Variants in LIMCH1 observed in about 807,000 individuals in gnomAD.
The protein encoded by LIMCH1 is LIM and calponin homology domains-containing protein 1.
A neutral mutation model predicts 176.5 loss-of-function variants in LIMCH1; 113 were observed. That is an observed-to-expected ratio of 0.64 (90% CI 0.55 to 0.75). The LOEUF (loss-of-function observed/expected upper bound fraction) is 0.75, where lower values mean the gene tolerates loss of function less well. LIMCH1 is among the 30% of genes least tolerant of loss of function. The probability of loss-of-function intolerance (pLI) is 0.00; values close to 1 mark genes in which losing one functional copy is unlikely to be tolerated. For synonymous variants in LIMCH1, 619 were observed against 645.9 expected, an observed-to-expected ratio of 0.96 and a Z score of 0.63; for missense variants, 1,674 against 1,814.9, an observed-to-expected ratio of 0.92 and a Z score of 1.41.
intron 3 of LIMCH1, among the ~76,000 whole-genome samples, chr4:41,524,675 G>A (rs913714441): frequency 6.6e-6 from 1 of 152,184 alleles, no homozygotes; most frequent in African/African-American, 2.4e-5. Context: ...ATCTTTGTTT[G>A]TGTTTTTTCC....
At chr4:41,487,505 G>A (rs1203113147) in intron 1 of LIMCH1, among the ~76,000 whole-genome samples, 1 of 151,998 alleles carries the variant, frequency 6.6e-6, no homozygotes, top group Non-Finnish European at 1.5e-5. Context: ...CTACATCTTG[G>A]GGGACTTTTG....
chr4:41,679,620 C>G (rs1365790546), intron 23 of LIMCH1, among the ~76,000 whole-genome samples: 1 of 152,140 alleles, frequency 6.6e-6, no homozygotes, highest in Non-Finnish European at 1.5e-5. Flanking sequence ...TTTTATTACA[C>G]TCTCCTCGCA....
intron 2 of LIMCH1, among the ~76,000 whole-genome samples, chr4:41,601,544 T>A (rs1460313264): frequency 1.3e-5 from 2 of 152,096 alleles, no homozygotes; most frequent in Non-Finnish European, 2.9e-5. Context: ...ACTGGTGTGG[T>A]TGAAGGATAA....
At chr4:41,391,135 C>T (rs1487438419) in intron 1 of LIMCH1, among the ~76,000 whole-genome samples, 1 of 152,200 alleles carries the variant, frequency 6.6e-6, no homozygotes, top group Non-Finnish European at 1.5e-5. Context: ...GTTTGGATCA[C>T]TGCCAAGGAT....
intron 1 of LIMCH1, among the ~76,000 whole-genome samples, chr4:41,480,761 TTC>T (rs766292068): frequency 1.3e-5 from 2 of 152,220 alleles, no homozygotes; most frequent in Non-Finnish European, 2.9e-5. Flanking sequence ...AGACTCTTCC[TTC>T]TCTCTGCTCT....
intron 1 of LIMCH1, among the ~76,000 whole-genome samples, chr4:41,491,517 G>A (rs950016972): frequency 2.0e-5 from 3 of 150,320 alleles, no homozygotes; most frequent in African/African-American, 4.9e-5. Context: ...AGGCAGAGGG[G>A]CTCCTCACAT....
rs748771746 is a variant in LIMCH1, at chr4:41,646,146, TAGA to T, written c.2283_2285del (p.Arg761del). The T allele has an allele frequency of 1.9e-6, 3 of 1,612,852 alleles. No homozygotes were observed. Among genetic ancestry groups the T allele is most frequent in the African/African-American group, 1.3e-5 (1 of 74,932 alleles). On this transcript the variant is annotated inframe_deletion, in exon 16 of 32. Coordinates refer to ENST00000503057, the MANE Select transcript of LIMCH1 (RefSeq NM_001330672.2). ...AGGACCTGGCTCGTTGGAAGAGTCG[TAGA>T]AGAAGTGTTTCTCAGGACTTAATCA...
intron 1 of LIMCH1, among the ~76,000 whole-genome samples, chr4:41,447,331 T>C (rs1332935843): frequency 3.3e-5 from 5 of 152,202 alleles, no homozygotes; most frequent in Non-Finnish European, 5.9e-5. Context: ...ACAAGGACTT[T>C]TGGTAAGTTG....
At chr4:41,601,366 C>T (rs938861654) in intron 2 of LIMCH1, among the ~76,000 whole-genome samples, 5 of 152,158 alleles carry the variant, frequency 3.3e-5, no homozygotes, top group African/African-American at 1.2e-4. Context: ...AGGGTGGCTT[C>T]TCTGAAGTGC....
chr4:41,404,947 A>G (rs1352495272), intron 1 of LIMCH1, among the ~76,000 whole-genome samples: 1 of 152,056 alleles, frequency 6.6e-6, no homozygotes, highest in African/African-American at 2.4e-5. Context: ...GTGAGTGCTG[A>G]TATATTTTAT....
intron 1 of LIMCH1, among the ~76,000 whole-genome samples, chr4:41,474,504 A>G (rs1226061264): frequency 6.6e-6 from 1 of 152,204 alleles, no homozygotes; most frequent in Non-Finnish European, 1.5e-5. Context: ...AAAAATAAAA[A>G]TGGGCAAAGG....
intron 1 of LIMCH1, among the ~76,000 whole-genome samples, chr4:41,487,550 C>T (rs1258857613): frequency 1.3e-5 from 2 of 151,928 alleles, no homozygotes; most frequent in Non-Finnish European, 2.9e-5. Flanking sequence ...TTGTATCAAC[C>T]TCTACTTGAA....
chr4:41,596,445 G>A (rs2088834101), intron 1 of LIMCH1, among the ~76,000 whole-genome samples: 3 of 152,084 alleles, frequency 2.0e-5, no homozygotes, highest in African/African-American at 7.3e-5. Context: ...ATGTCCGTGT[G>A]ATAACAAAGT....
intron 1 of LIMCH1, among the ~76,000 whole-genome samples, chr4:41,426,945 A>G (rs2061163646): frequency 6.6e-6 from 1 of 152,228 alleles, no homozygotes; most frequent in Non-Finnish European, 1.5e-5. Flanking sequence ...AATTCCAGTT[A>G]ACTCATAACT....
chr4:41,439,870 G>C (rs28420918), intron 1 of LIMCH1, among the ~76,000 whole-genome samples: 6,415 of 152,148 alleles, frequency 0.042, 430 homozygotes, highest in African/African-American at 0.14. Context: ...TGCCATTGTA[G>C]TCCAGCCTGG....
chr4:41,656,012 A>G (rs1299724334), intron 18 of LIMCH1, among the ~76,000 whole-genome samples: 2 of 152,158 alleles, frequency 1.3e-5, no homozygotes, highest in African/African-American at 2.4e-5. Context: ...CCTCCCAGTC[A>G]GCACCATCCC....
chr4:41,479,955 C>T (rs1014840158), intron 1 of LIMCH1, among the ~76,000 whole-genome samples: 17 of 152,142 alleles, frequency 1.1e-4, no homozygotes, highest in African/African-American at 2.7e-4. Flanking sequence ...ATTTTCTCTC[C>T]GCTGGGCAGC....
intron 2 of LIMCH1, among the ~76,000 whole-genome samples, chr4:41,507,153 C>T (rs934933733): frequency 1.3e-5 from 2 of 152,186 alleles, no homozygotes; most frequent in East Asian, 1.9e-4. Flanking sequence ...GAGGGGAAGG[C>T]GTGGGGCCAA....
At chr4:41,449,749 T>C (rs1319053393) in intron 1 of LIMCH1, among the ~76,000 whole-genome samples, 1 of 152,236 alleles carries the variant, frequency 6.6e-6, no homozygotes, top group Non-Finnish European at 1.5e-5. Flanking sequence ...ACTAATCATA[T>C]GAGTTTGCTA....
Sources: gnomAD v4.1 joint callset for allele counts (sites outside exome capture counted in the v4.1 genomes callset) on GRCh38, gnomAD v4.1.1 for gene constraint, MANE v1.5 for transcripts, NCBI Gene and HGNC (gene_info 2026-07-23, HGNC 2026-07-21) for gene names.